GRIK4: variants seen among roughly 807,000 people sequenced by gnomAD.
The protein encoded by GRIK4 is glutamate receptor ionotropic, kainate 4.
A neutral mutation model predicts 104.9 loss-of-function variants in GRIK4; 40 were observed. The observed-to-expected ratio is 0.38, with a 90% CI of 0.30 to 0.50. GRIK4 has a LOEUF of 0.50. Among genes scored for constraint, GRIK4 ranks in the 20% least tolerant of loss-of-function variants. The probability of loss-of-function intolerance (pLI) is 0.93; values close to 1 mark genes in which losing one functional copy is unlikely to be tolerated. For synonymous variants in GRIK4, 485 were observed against 524.9 expected, an observed-to-expected ratio of 0.92 and a Z score of 1.04; for missense variants, 1,047 against 1,308.1, an observed-to-expected ratio of 0.80 and a Z score of 3.08.
intron 3 of GRIK4, among the ~76,000 whole-genome samples, chr11:120,694,208 G>A (rs1292869600): frequency 6.6e-6 from 1 of 152,212 alleles, no homozygotes; most frequent in Non-Finnish European, 1.5e-5. Flanking sequence ...CAGAAAGCAC[G>A]AGAGCAGATG....
In GRIK4 at chr11:120,660,357, G is replaced by T. The variant is rs372689614; in HGVS notation, c.39G>T (p.Ala13=). 6.2e-7 allele frequency: 1 copy of T among 1,613,264 alleles called. No individual in the cohort carries two copies. The highest frequency in any genetic ancestry group is 8.5e-7 in the Non-Finnish European group (1 of 1,179,982). Residue 13 remains alanine, a synonymous_variant, in exon 3 of 21, where the codon GCG becomes GCT. Coordinates refer to ENST00000527524, the MANE Select transcript of GRIK4 (RefSeq NM_014619.5). The part of the protein sequence containing the change: ...RVSAPLVLLP[A]WLVMVACSPH... ...CGGCGCCTTTGGTGCTGCTTCCTGCGTGGCTCGTGATGGTCGCCTGCAGCC... is the reference window on the plus strand; with the variant it reads ...CGGCGCCTTTGGTGCTGCTTCCTGCTTGGCTCGTGATGGTCGCCTGCAGCC...
At chr11:120,526,230 C>T (rs1947854278) in intron 1 of GRIK4, among the ~76,000 whole-genome samples, 1 of 152,118 alleles carries the variant, frequency 6.6e-6, no homozygotes, top group Non-Finnish European at 1.5e-5. Flanking sequence ...TGAGGCAGGT[C>T]TCACTCTGTC....
intron 1 of GRIK4, among the ~76,000 whole-genome samples, chr11:120,618,614 A>G (rs912120897): frequency 3.3e-5 from 5 of 152,246 alleles, no homozygotes; most frequent in African/African-American, 1.2e-4. Flanking sequence ...GTCGTGGGCC[A>G]GGCCCAGGGC....
At chr11:120,563,986 T>C (rs1565551136) in intron 1 of GRIK4, among the ~76,000 whole-genome samples, 1 of 152,144 alleles carries the variant, frequency 6.6e-6, no homozygotes, top group Non-Finnish European at 1.5e-5. Context: ...GTCTCATGAA[T>C]TTAACACAAG....
intron 11 of GRIK4, chr11:120,894,424 C>G (rs1300423290): frequency 2.0e-5 from 3 of 152,342 alleles, no homozygotes; most frequent in African/African-American, 4.8e-5. Context: ...AGCTCGAACT[C>G]TGCATTCCCA....
At chr11:120,814,985 G>T (rs1027341593) in intron 4 of GRIK4, among the ~76,000 whole-genome samples, 7 of 152,166 alleles carry the variant, frequency 4.6e-5, no homozygotes, top group African/African-American at 1.7e-4. Flanking sequence ...TATTTGGGGG[G>T]ACTAATGCAG....
At chr11:120,965,485 G>A (rs556718356) in intron 18 of GRIK4, among the ~76,000 whole-genome samples, 1 of 152,338 alleles carries the variant, frequency 6.6e-6, no homozygotes, top group Admixed American at 6.5e-5. Flanking sequence ...CAGTGCTGCA[G>A]GCTTGGGGTT....
chr11:120,716,359 T>G (rs1157290760), intron 3 of GRIK4, among the ~76,000 whole-genome samples: 2 of 152,070 alleles, frequency 1.3e-5, no homozygotes, highest in Non-Finnish European at 2.9e-5. Flanking sequence ...TCCTCCCCCC[T>G]CAGCCTCCCA....
chr11:120,709,232 A>G (rs1233654627), intron 3 of GRIK4, among the ~76,000 whole-genome samples: 1 of 151,582 alleles, frequency 6.6e-6, no homozygotes. Flanking sequence ...TTTGAGACCC[A>G]CTTCTTGTCC....
chr11:120,939,412 A>T lies in GRIK4; in HGVS notation c.1477-935A>T, dbSNP rs1022367050. 6.6e-6 allele frequency among the ~76,000 whole-genome samples: 1 copy of T among 152,190 alleles called. No individual in the cohort carries two copies. Among genetic ancestry groups the T allele is most frequent in the Admixed American group, 6.5e-5 (1 of 15,278 alleles). ...AAACTCTTCTTCGGGTCTGCTAATG[A>T]CATCTGAAGTTTCACCTGGACAGCG... On this transcript the variant is annotated intron_variant, in intron 13 of 20. Coordinates refer to ENST00000527524, the MANE Select transcript of GRIK4 (RefSeq NM_014619.5). The surrounding 1 kb of genome is among the most constrained non-coding windows in gnomAD (Gnocchi z 5.6).
chr11:120,716,638 G>A (rs1425246391), intron 3 of GRIK4, among the ~76,000 whole-genome samples: 1 of 152,200 alleles, frequency 6.6e-6, no homozygotes, highest in Non-Finnish European at 1.5e-5. Context: ...TGCCTTCTAA[G>A]TGTTGGCAGC....
At chr11:120,599,275 A>T (rs1948848396) in intron 1 of GRIK4, among the ~76,000 whole-genome samples, 1 of 152,140 alleles carries the variant, frequency 6.6e-6, no homozygotes, top group Non-Finnish European at 1.5e-5. Context: ...ACCTTTCATG[A>T]TTGTTATTAA....
chr11:120,738,763 AC>A (rs771672526), intron 3 of GRIK4, among the ~76,000 whole-genome samples: 4 of 152,080 alleles, frequency 2.6e-5, no homozygotes, highest in Non-Finnish European at 4.4e-5. Context: ...CCCCATCACC[AC>A]CTGCCTTGGC....
chr11:120,779,739 A>G (rs1249094377), intron 3 of GRIK4, among the ~76,000 whole-genome samples: 1 of 152,232 alleles, frequency 6.6e-6, no homozygotes, highest in East Asian at 1.9e-4. Context: ...TCTTCCTCAA[A>G]TCAAATCATT....
intron 4 of GRIK4, among the ~76,000 whole-genome samples, chr11:120,803,172 C>T (rs1259115483): frequency 6.6e-6 from 1 of 152,170 alleles, no homozygotes; most frequent in Non-Finnish European, 1.5e-5. Flanking sequence ...AATGAAATCT[C>T]GTGTGTGATA....
rs113719760 is a variant in GRIK4 at position 120,580,573 on chromosome 11, C to CTT, written c.-159+68697_-159+68698dup. ...TGAGCCACCATGCCTGGCCTCCTTT[C>CTT]TTTTTTTTTTTTAGAAACAGGGTTT... On this transcript the variant is annotated intron_variant, in intron 1 of 20. Transcript: ENST00000527524. Among the ~76,000 whole-genome samples, 1,279 of 145,778 alleles carry CTT rather than the reference C, an allele frequency of 8.8e-3. 4 individuals are homozygous for CTT. Among genetic ancestry groups the CTT allele is most frequent in the Middle Eastern group, 0.039 (11 of 284 alleles).
chr11:120,788,604 G>A (rs554911098), intron 3 of GRIK4, among the ~76,000 whole-genome samples: 20 of 151,800 alleles, frequency 1.3e-4, no homozygotes, highest in African/African-American at 4.3e-4. Flanking sequence ...AGGGGGAGCC[G>A]TCCCTTCTCT....
At chr11:120,875,392 C>T (rs1592021073) in intron 11 of GRIK4, 149 bp downstream of exon 11, 1 of 638,622 alleles carries the variant, frequency 1.6e-6, no homozygotes, top group Non-Finnish European at 2.8e-6. Context: ...GCACCAGCCT[C>T]TCCCTTCCTG....
At chr11:120,914,888 C>G (rs1381672727) in intron 13 of GRIK4, among the ~76,000 whole-genome samples, 2 of 152,038 alleles carry the variant, frequency 1.3e-5, no homozygotes, top group Non-Finnish European at 2.9e-5. Flanking sequence ...AGACAGCTGT[C>G]CAGTGATCAG....
Sources: allele counts gnomAD v4.1 joint callset (sites outside exome capture counted in the v4.1 genomes callset), GRCh38; gene constraint gnomAD v4.1.1; non-coding constraint Gnocchi (gnomAD v3.1); transcripts MANE v1.5; gene names NCBI Gene and HGNC (gene_info 2026-07-23, HGNC 2026-07-21).